Variants in INPP5A observed in about 807,000 individuals in gnomAD.
The protein encoded by INPP5A is 43 kDa inositol polyphosphate 5-phophatase.
Under a neutral mutation model 65.2 loss-of-function variants are expected in INPP5A, and 14 were observed. That is an observed-to-expected ratio of 0.21 (90% CI 0.14 to 0.34). INPP5A has a LOEUF of 0.34. Ranked by LOEUF, INPP5A falls within the 10% of genes least tolerant of loss-of-function variation. INPP5A has a pLI of 1.00. For missense variants in INPP5A, 431 were observed against 545.6 expected, an observed-to-expected ratio of 0.79 and a Z score of 2.09; for synonymous variants, 207 against 208.3, an observed-to-expected ratio of 0.99 and a Z score of 0.05.
rs2070953188 is a variant in INPP5A at position 132,545,148 on chromosome 10, G to C, written c.75+6977G>C. On this transcript the variant is annotated intron_variant, in intron 1 of 15. Transcript: ENST00000368594. The surrounding 1 kb of genome is among the most constrained non-coding windows in gnomAD (Gnocchi z 4.6). ...GTTGTGGGGCAGGTGGAGCAGGGCA[G>C]AGGGCCCCGCACGGCTCTGGGATGG... 6.6e-6 allele frequency among the ~76,000 whole-genome samples: 1 copy of C among 152,126 alleles called. No homozygotes were observed.
At chr10:132,723,008 C>G (rs1473444856) in intron 8 of INPP5A, among the ~76,000 whole-genome samples, 2 of 152,132 alleles carry the variant, frequency 1.3e-5, no homozygotes, top group Admixed American at 6.5e-5. Flanking sequence ...CGTGACAGCC[C>G]CTTCGTCTTG....
chr10:132,606,096 C>T (rs758722680), intron 1 of INPP5A, among the ~76,000 whole-genome samples: 1 of 152,114 alleles, frequency 6.6e-6, no homozygotes, highest in Non-Finnish European at 1.5e-5. Context: ...CACATTTGTG[C>T]GTTTGGTGTT....
At position 132,654,591 on chromosome 10, in the gene INPP5A, C is replaced by T. The variant is rs543322877; in HGVS notation, c.306+4086C>T. 1.8e-3 allele frequency among the ~76,000 whole-genome samples: 268 copies of T among 152,336 alleles called. 4 individuals carry two copies. The highest frequency in any genetic ancestry group is 5.8e-3 in the African/African-American group (242 of 41,582). On this transcript the variant is annotated intron_variant, in intron 4 of 15. Transcript: ENST00000368594. ...CAGCAGCGGCCAGCCAGACAATCAC[C>T]CTCCTGCCCCAGCCAGGTGCCCTCT...
At chr10:132,669,216 G>A (rs540286637) in intron 4 of INPP5A, among the ~76,000 whole-genome samples, 5 of 152,254 alleles carry the variant, frequency 3.3e-5, no homozygotes, top group East Asian at 1.9e-4. Context: ...TCGTGCCACC[G>A]CACTCCAGCC....
At chr10:132,712,871 T>G (rs979566197) in intron 8 of INPP5A, among the ~76,000 whole-genome samples, 1 of 149,642 alleles carries the variant, frequency 6.7e-6, no homozygotes, top group Non-Finnish European at 1.5e-5. Context: ...CGTGTCGATG[T>G]GTAGGCCTGT....
intron 4 of INPP5A, among the ~76,000 whole-genome samples, chr10:132,680,846 G>A (rs1379467965): frequency 1.3e-5 from 2 of 152,274 alleles, no homozygotes; most frequent in African/African-American, 2.4e-5. Context: ...CCCACCCACC[G>A]GCGCTGCACT....
chr10:132,771,692 G>C (rs1309353399), intron 12 of INPP5A, among the ~76,000 whole-genome samples: 1 of 115,388 alleles, frequency 8.7e-6, no homozygotes, highest in Non-Finnish European at 1.9e-5. Context: ...CACTGACACA[G>C]AGGCCACGGC....
chr10:132,700,626 G>A (rs1035918092), intron 6 of INPP5A, among the ~76,000 whole-genome samples: 3 of 151,704 alleles, frequency 2.0e-5, no homozygotes, highest in African/African-American at 7.3e-5. Context: ...TGGGAGTCCC[G>A]GCCTGGCAGC....
chr10:132,735,449 G>A (rs1000270203), intron 9 of INPP5A, among the ~76,000 whole-genome samples: 1 of 152,250 alleles, frequency 6.6e-6, no homozygotes, highest in Non-Finnish European at 1.5e-5. Context: ...GAGGCTGGGG[G>A]CAGGCGGTGC....
chr10:132,547,344 T>TCTCG lies in INPP5A; in HGVS notation c.75+9174_75+9175insTCGC, dbSNP rs1443498115. Among the ~76,000 whole-genome samples the TCTCG allele has an allele frequency of 6.6e-6, 1 of 152,062 alleles. No homozygotes were observed. Among genetic ancestry groups the TCTCG allele is most frequent in the Non-Finnish European group, 1.5e-5 (1 of 68,000 alleles). ...GGGGTCCCTGGAGGGGCTCTCTCCA[T>TCTCG]CCTCTTCCTGGCGTCAGGTGTTCTC... On this transcript the variant is annotated intron_variant, in intron 1 of 15. Coordinates refer to ENST00000368594, the MANE Select transcript of INPP5A (RefSeq NM_005539.5). The surrounding 1 kb of genome is among the most constrained non-coding windows in gnomAD (Gnocchi z 5.5).
chr10:132,546,145 C>T lies in INPP5A; in HGVS notation c.75+7974C>T, dbSNP rs779711719. 1.3e-5 allele frequency among the ~76,000 whole-genome samples: 2 copies of T among 152,178 alleles called. No individual in the cohort carries two copies. The highest frequency in any genetic ancestry group is 6.5e-5 in the Admixed American group (1 of 15,280). Reference sequence around the variant, plus strand: ...GTGCTCATGTGACCGAGGACGCTTCCGAGGATGTGGAAGCCACCAGTCGTC... The same window carrying T: ...GTGCTCATGTGACCGAGGACGCTTCTGAGGATGTGGAAGCCACCAGTCGTC... On this transcript the variant is annotated intron_variant, in intron 1 of 15. Coordinates refer to ENST00000368594, the MANE Select transcript of INPP5A (RefSeq NM_005539.5). This position sits in a 1 kb window ranked among gnomAD's most constrained non-coding sequence, Gnocchi z 5.7.
intron 9 of INPP5A, among the ~76,000 whole-genome samples, chr10:132,742,529 G>T (rs1428255478): frequency 6.6e-6 from 1 of 152,256 alleles, no homozygotes; most frequent in Non-Finnish European, 1.5e-5. Context: ...GAAGGCGGTT[G>T]TATCTAGTCC....
In INPP5A at chr10:132,577,562, G is replaced by A. The variant is rs1189195046; in HGVS notation, c.76-30353G>A. ...CTGTTTTGGTGGCCATCAGGGAGGG[G>A]CCTGAGCCCCCCATGGGGTCAGGTG... On this transcript the variant is annotated intron_variant, in intron 1 of 15. Transcript: ENST00000368594. 2.0e-5 allele frequency among the ~76,000 whole-genome samples: 3 copies of A among 152,236 alleles called. 1 individual carries two copies. The highest frequency in any genetic ancestry group is 3.9e-4 in the East Asian group (2 of 5,194).
At chr10:132,598,647 G>C (rs1014539339) in intron 1 of INPP5A, among the ~76,000 whole-genome samples, 1 of 152,206 alleles carries the variant, frequency 6.6e-6, no homozygotes, top group Non-Finnish European at 1.5e-5. Flanking sequence ...GTTTCTTCCA[G>C]CTTCTGGCTG....
intron 12 of INPP5A, among the ~76,000 whole-genome samples, chr10:132,766,659 C>T (rs1846850697): frequency 6.6e-6 from 1 of 151,898 alleles, no homozygotes; most frequent in African/African-American, 2.4e-5. Context: ...ATGCATGTGG[C>T]TGTGCTCCAC....
intron 9 of INPP5A, among the ~76,000 whole-genome samples, chr10:132,731,628 G>A (rs1418587453): frequency 6.6e-6 from 1 of 152,238 alleles, no homozygotes; most frequent in Non-Finnish European, 1.5e-5. Context: ...GGGCACGCAG[G>A]AGGTGGTGGC....
intron 9 of INPP5A, among the ~76,000 whole-genome samples, chr10:132,745,581 G>T (rs982642505): frequency 1.3e-5 from 2 of 152,058 alleles, no homozygotes. Context: ...GCCCCAGCCC[G>T]GGCCTCGGGT....
intron 4 of INPP5A, among the ~76,000 whole-genome samples, chr10:132,677,418 G>A (rs2072981140): frequency 6.6e-6 from 1 of 152,240 alleles, no homozygotes; most frequent in Non-Finnish European, 1.5e-5. Flanking sequence ...AGTGCCGGGT[G>A]CATATTTGTG....
chr10:132,573,556 G>C (rs1436450343), intron 1 of INPP5A, among the ~76,000 whole-genome samples: 1 of 137,496 alleles, frequency 7.3e-6, no homozygotes, highest in Admixed American at 7.3e-5. Flanking sequence ...TGTGTGTGCT[G>C]TGGGAGGTTT....
Sources: allele counts gnomAD v4.1 joint callset (sites outside exome capture counted in the v4.1 genomes callset), GRCh38; gene constraint gnomAD v4.1.1; non-coding constraint Gnocchi (gnomAD v3.1); transcripts MANE v1.5; gene names NCBI Gene and HGNC (gene_info 2026-07-23, HGNC 2026-07-21).